Variants in AK3 observed in about 807,000 individuals in gnomAD.
AK3 encodes GTP:AMP phosphotransferase AK3, mitochondrial.
Under a neutral mutation model 23.7 loss-of-function variants are expected in AK3, and 27 were observed. The ratio of observed to expected loss-of-function variants is 1.14; its 90% CI spans 0.84 to 1.57. AK3 has a LOEUF of 1.57. Among genes scored for constraint, AK3 ranks in the 40% most tolerant of loss-of-function variants. The pLI, the probability that AK3 is intolerant of heterozygous loss-of-function variation, is 0.00. For synonymous variants in AK3, 159 were observed against 116.0 expected (o/e 1.37, Z -2.38); for missense variants, 406 against 285.6 (o/e 1.42, Z -3.04).
chr9:4,716,924 CT>C (rs559856504), intron 4 of AK3, among the ~76,000 whole-genome samples: 14 of 152,242 alleles, frequency 9.2e-5, no homozygotes, highest in African/African-American at 3.1e-4. Context: ...GAGTGAGACC[CT>C]GTCTCTAAAA....
At chr9:4,736,647 G>T (rs1842300536) in intron 1 of AK3, among the ~76,000 whole-genome samples, 1 of 151,714 alleles carries the variant, frequency 6.6e-6, no homozygotes, top group African/African-American at 2.4e-5. Flanking sequence ...GAGAATAAAT[G>T]AGATTCATAA....
intron 1 of AK3, among the ~76,000 whole-genome samples, chr9:4,731,086 A>G (rs563811394): frequency 1.3e-5 from 2 of 152,182 alleles, no homozygotes; most frequent in Non-Finnish European, 2.9e-5. Flanking sequence ...TCTCAAATGT[A>G]AAGTGTTTTT....
chr9:4,735,481 T>TTTC (rs1842269674), intron 1 of AK3, among the ~76,000 whole-genome samples: 1 of 88,318 alleles, frequency 1.1e-5, no homozygotes, highest in African/African-American at 4.8e-5. Context: ...TATATATATT[T>TTTC]TTTTTTTTTT....
At chr9:4,722,109 CTT>C (rs976754072) in intron 2 of AK3, among the ~76,000 whole-genome samples, 1 of 152,202 alleles carries the variant, frequency 6.6e-6, no homozygotes, top group Admixed American at 6.5e-5. Flanking sequence ...AAACAAATCT[CTT>C]TTGTGTCCTC....
chr9:4,727,539 G>C (rs927856668), intron 1 of AK3, among the ~76,000 whole-genome samples: 1 of 152,208 alleles, frequency 6.6e-6, no homozygotes, highest in Non-Finnish European at 1.5e-5. Flanking sequence ...CTGAAATGAA[G>C]AGAATTAGGG....
At position 4,729,015 on chromosome 9, in the gene AK3, A is replaced by ATATATATATTTT. The variant is rs71326127; in HGVS notation, c.152-6391_152-6390insAAAATATATATA. ...CACACACACATATATATATATATAT[A>ATATATATATTTT]TTTTTTTTTTTTGAGACGGAATTTT... On this transcript the variant is annotated intron_variant, in intron 1 of 4. Coordinates refer to ENST00000381809, the MANE Select transcript of AK3 (RefSeq NM_016282.4). 9.1e-4 allele frequency among the ~76,000 whole-genome samples: 118 copies of ATATATATATTTT among 129,430 alleles called. 6 individuals carry two copies. In the East Asian group the frequency reaches 0.012, roughly 13 times the overall value. 84.9% of individuals were successfully genotyped at this position (129,430 alleles called of 152,430 possible).
At chr9:4,736,543 T>A (rs1449777688) in intron 1 of AK3, among the ~76,000 whole-genome samples, 1 of 151,366 alleles carries the variant, frequency 6.6e-6, no homozygotes, top group African/African-American at 2.4e-5. Flanking sequence ...GTGCCACAGG[T>A]GTACATAATA....
chr9:4,731,712 A>C (rs1842158634), intron 1 of AK3, among the ~76,000 whole-genome samples: 1 of 152,160 alleles, frequency 6.6e-6, no homozygotes, highest in Non-Finnish European at 1.5e-5. Flanking sequence ...GTAAACTTTT[A>C]TCCATTTGAT....
chr9:4,723,499 AT>A (rs886697542), intron 1 of AK3, among the ~76,000 whole-genome samples: 1 of 152,170 alleles, frequency 6.6e-6, no homozygotes, highest in African/African-American at 2.4e-5. Context: ...TTTATGAACA[AT>A]TTAATAATAT....
At chr9:4,718,382 C>T (rs374754494) in intron 4 of AK3, 37 bp downstream of exon 4, 1 of 1,460,844 alleles carries the variant, frequency 6.8e-7, no homozygotes, top group Non-Finnish European at 9.6e-7. Context: ...CTTAGTGCAC[C>T]ACTACGCAAG....
rs558362116 is a variant in AK3 at position 4,716,413 on chromosome 9, C to G, written c.563+2006G>C. Among the ~76,000 whole-genome samples the G allele has an allele frequency of 6.6e-5, 10 of 152,278 alleles. No individual in the cohort carries two copies. The South Asian group carries it at 1.9e-3, about 28-fold the overall frequency. ...GGGCTGTTGTAGGACTTTCCAGGATCTCTCACTTAATTCTTTTAACAACCC... is the reference window on the plus strand; with the variant it reads ...GGGCTGTTGTAGGACTTTCCAGGATGTCTCACTTAATTCTTTTAACAACCC... On this transcript the variant is annotated intron_variant, in intron 4 of 4. Transcript: ENST00000381809.
intron 1 of AK3, among the ~76,000 whole-genome samples, chr9:4,726,390 C>T (rs957140486): frequency 6.6e-6 from 1 of 152,230 alleles, no homozygotes; most frequent in Non-Finnish European, 1.5e-5. Context: ...AGACCCGCTG[C>T]TCCTTTTTCA....
chr9:4,741,353 GCAAGCCGCGC>G (rs926558629), upstream of AK3: 191 of 336,706 alleles, frequency 5.7e-4, 3 homozygotes, highest in Non-Finnish European at 3.7e-4. Context: ...CGCAAGCCGC[GCAAGCCGCGC>G]CCCCTCTGCG....
Position 4,740,968 on chromosome 9 carries a change from G to T in AK3, c.120C>A (p.Asp40Glu). The T allele has an allele frequency of 6.3e-7, 1 of 1,583,818 alleles. No homozygotes were observed. The highest frequency in any genetic ancestry group is 1.1e-5 in the South Asian group (1 of 87,532). Residue 40 changes from aspartate to glutamate, a missense_variant, in exon 1 of 5, where the codon GAC (aspartate) becomes GAA (glutamate). Transcript: ENST00000381809. Reference protein sequence around the residue: ...HFELKHLSSGDLLRDNMLRGT... With the variant: ...HFELKHLSSGELLRDNMLRGT... ...CCCGCAGCATGTTGTCCCGGAGCAG[G>T]TCCCCGCTGGAGAGGTGCTTCAGCT... is the stretch of plus-strand genomic sequence containing the variant.
intron 1 of AK3, among the ~76,000 whole-genome samples, chr9:4,729,033 G>A (rs1205944927): frequency 8.2e-5 from 9 of 109,180 alleles, no homozygotes; most frequent in Non-Finnish European, 1.5e-4. Context: ...TTTTTGAGAC[G>A]GAATTTTGCT....
intron 1 of AK3, among the ~76,000 whole-genome samples, chr9:4,725,460 C>T (rs1171461834): frequency 1.3e-5 from 2 of 152,056 alleles, no homozygotes; most frequent in South Asian, 2.1e-4. Context: ...ACTTTTTGTG[C>T]TTCAAAGAAC....
At chr9:4,726,378 T>G (rs1442438430) in intron 1 of AK3, among the ~76,000 whole-genome samples, 1 of 152,230 alleles carries the variant, frequency 6.6e-6, no homozygotes, top group African/African-American at 2.4e-5. Flanking sequence ...GTCTATCCTC[T>G]CAGACCCGCT....
intron 2 of AK3, among the ~76,000 whole-genome samples, chr9:4,720,344 T>C (rs186405660): frequency 2.0e-5 from 3 of 152,264 alleles, no homozygotes; most frequent in Admixed American, 2.0e-4. Flanking sequence ...TTGTCCAGAA[T>C]ACCAGAAAAA....
intron 1 of AK3, among the ~76,000 whole-genome samples, chr9:4,734,716 C>A (rs1842230103): frequency 6.6e-6 from 1 of 152,116 alleles, no homozygotes; most frequent in Admixed American, 6.5e-5. Flanking sequence ...CTATGGTACA[C>A]CCATAAGATA....
Sources: allele counts gnomAD v4.1 joint callset (sites outside exome capture counted in the v4.1 genomes callset), GRCh38; gene constraint gnomAD v4.1.1; transcripts MANE v1.5; gene names NCBI Gene and HGNC (gene_info 2026-07-23, HGNC 2026-07-21).